The following TLE1 variants were observed in gnomAD, a reference collection of about 807,000 sequenced individuals.
TLE1 encodes the protein transducin-like enhancer protein 1.
In TLE1, 21 loss-of-function variants were observed where a neutral mutation model predicts 89.8. The observed-to-expected ratio is 0.23, with a 90% CI of 0.17 to 0.34. The LOEUF (loss-of-function observed/expected upper bound fraction) is 0.34. Ranked by LOEUF, TLE1 falls within the 10% of genes least tolerant of loss-of-function variation. The pLI, the probability that TLE1 is intolerant of heterozygous loss-of-function variation, is 1.00. For synonymous variants in TLE1, 447 were observed against 407.6 expected, an observed-to-expected ratio of 1.10 and a Z score of -1.16; for missense variants, 795 against 1,031.2, an observed-to-expected ratio of 0.77 and a Z score of 3.14.
rs772311750 is a variant in TLE1 at position 81,611,816 on chromosome 9, C to T, written c.1207G>A (p.Ala403Thr). The T allele has an allele frequency of 8.2e-5, 127 of 1,553,258 alleles. 1 individual carries two copies. The South Asian group carries it at 1.2e-3, about 15-fold the overall frequency. Reference protein sequence around the residue: ...SLHNMSPQMSAAAAAAAVVAY... With the variant: ...SLHNMSPQMSTAAAAAAVVAY... The stretch of plus-strand genomic sequence containing the variant: ...ACCACGGCGGCCGCGGCGGCTGCGG[C>T]GCTCATCTGGGGCGACATGTTGTGT... The change falls in exon 13 of 20, where the codon GCC (alanine) becomes ACC (threonine). Residue 403 changes from alanine to threonine, a missense_variant. Ala to Thr is a moderately conservative substitution (Grantham distance 58, BLOSUM62 0). Around this residue, in one of 4 missense-constraint regions of TLE1, gnomAD observed 468 missense variants for 509.1 expected, o/e 0.92. Coordinates refer to ENST00000376499, the MANE Select transcript of TLE1 (RefSeq NM_005077.5).
intron 16 of TLE1, among the ~76,000 whole-genome samples, chr9:81,589,154 G>C (rs765486796): frequency 1.3e-5 from 2 of 152,170 alleles, no homozygotes; most frequent in Non-Finnish European, 2.9e-5. Flanking sequence ...TTCACTTGGT[G>C]AAAGTGTTGC....
chr9:81,668,143 G>C (rs1317975433), intron 4 of TLE1, among the ~76,000 whole-genome samples: 1 of 150,094 alleles, frequency 6.7e-6, no homozygotes, highest in Non-Finnish European at 1.5e-5. Flanking sequence ...CCAGCAGCCT[G>C]GGCGACAGAA....
At chr9:81,662,950 C>A (rs1246149217) in intron 4 of TLE1, among the ~76,000 whole-genome samples, 1 of 151,944 alleles carries the variant, frequency 6.6e-6, no homozygotes, top group Admixed American at 6.6e-5. Context: ...TGGGCTTAAG[C>A]GATTCTCATG....
chr9:81,666,451 T>C (rs577314442), intron 4 of TLE1, among the ~76,000 whole-genome samples: 40 of 152,168 alleles, frequency 2.6e-4, no homozygotes, highest in Non-Finnish European at 5.0e-4. Flanking sequence ...TCATCACTGG[T>C]TGAAGGTTAA....
intron 6 of TLE1, among the ~76,000 whole-genome samples, chr9:81,647,062 A>AT (rs1196674557): frequency 6.6e-6 from 1 of 152,074 alleles, no homozygotes; most frequent in Non-Finnish European, 1.5e-5. Flanking sequence ...CATAGGTTAT[A>AT]TGTAAACAAA....
intron 6 of TLE1, among the ~76,000 whole-genome samples, chr9:81,644,378 T>C (rs766314117): frequency 5.9e-5 from 9 of 152,348 alleles, no homozygotes; most frequent in South Asian, 4.1e-4. Flanking sequence ...GAAATGTTAA[T>C]TGTCAATAAA....
chr9:81,587,924 G>GTGTC, intron 16 of TLE1, 96 bp from the exon 17 acceptor site: 1 of 1,019,694 alleles, frequency 9.8e-7, no homozygotes, highest in South Asian at 1.9e-5. Context: ...GTGTGTGTGT[G>GTGTC]TGTGTGTGTG....
chr9:81,647,826 A>C (rs1400701438), intron 6 of TLE1, among the ~76,000 whole-genome samples: 1 of 152,206 alleles, frequency 6.6e-6, no homozygotes, highest in Non-Finnish European at 1.5e-5. Flanking sequence ...AAGGCAACAC[A>C]ATGTAAATAT....
At chr9:81,620,835 G>A in intron 8 of TLE1, 2 of 1,026,846 alleles carry the variant, frequency 1.9e-6, no homozygotes, top group Non-Finnish European at 2.7e-6. Flanking sequence ...TTGAGAAATA[G>A]GAGCTTGCTG....
chr9:81,587,896 T>G, intron 16 of TLE1, 68 bp from the exon 17 acceptor site: 1 of 739,124 alleles, frequency 1.4e-6, no homozygotes. Context: ...GTTGTGTTGT[T>G]AGTTTTGGAC....
intron 8 of TLE1, among the ~76,000 whole-genome samples, chr9:81,622,922 C>T (rs1325814604): frequency 6.6e-6 from 1 of 152,172 alleles, no homozygotes; most frequent in Non-Finnish European, 1.5e-5. Context: ...GGCTTTCCAC[C>T]TAAAGTCTAC....
At chr9:81,603,526 C>A (rs1831222369) in intron 14 of TLE1, among the ~76,000 whole-genome samples, 1 of 152,138 alleles carries the variant, frequency 6.6e-6, no homozygotes, top group Admixed American at 6.5e-5. Context: ...AGCCTTATCA[C>A]CAGAGTCTGG....
intron 14 of TLE1, among the ~76,000 whole-genome samples, chr9:81,601,249 C>T (rs1040985899): frequency 6.6e-6 from 1 of 152,214 alleles, no homozygotes; most frequent in South Asian, 2.1e-4. Context: ...CCCCCGGCCA[C>T]TGAAACTTTT....
chr9:81,679,359 C>G (rs1833314891), intron 4 of TLE1, among the ~76,000 whole-genome samples: 1 of 151,848 alleles, frequency 6.6e-6, no homozygotes, highest in Admixed American at 6.6e-5. Context: ...ACACAAGCAG[C>G]AAATCTGAAA....
At position 81,688,308 on chromosome 9, in the gene TLE1, C is replaced by G. The variant is rs551265023; in HGVS notation, c.-68G>C. 5 of 1,454,336 alleles carry G rather than the reference C, an allele frequency of 3.4e-6. No individual in the cohort carries two copies. The highest frequency in any genetic ancestry group is 1.3e-5 in the South Asian group (1 of 74,184). 90.1% of individuals were successfully genotyped at this position (1,454,336 alleles called of 1,614,324 possible). A position where few individuals can be genotyped will look rare whatever the true frequency, so the allele number is the denominator to read the frequency against. On this transcript the variant is annotated 5_prime_UTR_variant, in exon 1 of 20. Coordinates refer to ENST00000376499, the MANE Select transcript of TLE1 (RefSeq NM_005077.5). ...TCTCCGGTCAATTTCCAACTTTAAT[C>G]CCGCCGAGGAAAATTAAGCCGGAAA...
At chr9:81,604,607 C>T (rs1352929660) in intron 14 of TLE1, among the ~76,000 whole-genome samples, 1 of 152,130 alleles carries the variant, frequency 6.6e-6, no homozygotes. Context: ...AGCAGTGGGT[C>T]CCCCATCCTT....
Position 81,685,716 on chromosome 9 carries a change from T to A in TLE1, c.194A>T (p.Tyr65Phe). The change falls in exon 4 of 20, where the codon TAT (tyrosine) becomes TTT (phenylalanine). Residue 65 changes from tyrosine to phenylalanine, a missense_variant. Physicochemically the swap from Tyr to Phe is conservative, Grantham distance 22 (BLOSUM62 3). This residue lies in a region of TLE1 where 66 missense variants were observed against 118.7 expected (regional missense o/e 0.56). Coordinates refer to ENST00000376499, the MANE Select transcript of TLE1 (RefSeq NM_005077.5). ...AATGTTTAATCCATATGACATTTCA[T>A]AATACTGTAAAGAGAAAAAAGAATC... is the stretch of plus-strand genomic sequence containing the variant. ...TEMQRHYVMY[Y>F]EMSYGLNIEM... 1 of 1,613,652 alleles carries A rather than the reference T, an allele frequency of 6.2e-7. No homozygotes were observed.
At chr9:81,635,385 C>G (rs1280059658) in intron 6 of TLE1, among the ~76,000 whole-genome samples, 1 of 152,124 alleles carries the variant, frequency 6.6e-6, no homozygotes, top group East Asian at 1.9e-4. Context: ...GCACTTTGCC[C>G]CCATTGCTTA....
chr9:81,666,921 C>G (rs1831540543), intron 4 of TLE1, among the ~76,000 whole-genome samples: 2 of 152,142 alleles, frequency 1.3e-5, no homozygotes, highest in African/African-American at 4.8e-5. Context: ...AGTTCAAGAC[C>G]AGCCTGGGCA....
Sources: gnomAD v4.1 joint callset for allele counts (sites outside exome capture counted in the v4.1 genomes callset) on GRCh38, gnomAD v4.1.1 for gene constraint, gnomAD v4.1.1 regional missense constraint, MANE v1.5 for transcripts, NCBI Gene and HGNC (gene_info 2026-07-23, HGNC 2026-07-21) for gene names.